Variants in RNF213 observed in about 807,000 individuals in gnomAD.
RNF213 encodes the protein E3 ubiquitin-protein ligase RNF213.
Under a neutral mutation model 514.4 loss-of-function variants are expected in RNF213, and 341 were observed. The observed-to-expected ratio is 0.66, with a 90% CI of 0.61 to 0.73. The LOEUF is 0.73. RNF213 is among the 30% of genes least tolerant of loss of function. The probability of loss-of-function intolerance (pLI) is 0.00; values close to 1 mark genes in which losing one functional copy is unlikely to be tolerated. For missense variants in RNF213, 5,767 were observed against 6,615.6 expected, an observed-to-expected ratio of 0.87 and a Z score of 4.45; for synonymous variants, 2,655 against 2,658.2, an observed-to-expected ratio of 1.00 and a Z score of 0.04.
chr17:80,354,361 G>C, intron 35 of RNF213, 80 bp from the exon 36 acceptor site: 2 of 1,604,490 alleles, frequency 1.2e-6, no homozygotes, highest in Non-Finnish European at 1.7e-6. Flanking sequence ...TTCCCTTCCT[G>C]GGGGAGGTGG....
intron 23 of RNF213, 132 bp from the exon 24 acceptor site, chr17:80,337,454 C>T (rs1599051322): frequency 8.2e-6 from 10 of 1,223,092 alleles, no homozygotes; most frequent in African/African-American, 6.0e-5. Context: ...TGGGCGACTG[C>T]GTCCTGAGCC....
rs1415856171 is a variant in RNF213 at position 80,350,412 on chromosome 17, T to A, written c.10184+16T>A. ...CCTCAGCTAAGTATGTTTTTAGTAT[T>A]TTTCTCAGAAACTATGTAAAAAACC... On this transcript the variant is annotated intron_variant, in intron 31 of 67. Coordinates refer to ENST00000582970, the MANE Select transcript of RNF213 (RefSeq NM_001256071.3). 1.3e-6 allele frequency: 2 copies of A among 1,554,504 alleles called. No individual in the cohort carries two copies. The highest frequency in any genetic ancestry group is 2.7e-5 in the African/African-American group (2 of 73,670).
chr17:80,284,271 G>A (rs1216383487), intron 3 of RNF213, among the ~76,000 whole-genome samples: 1 of 152,224 alleles, frequency 6.6e-6, no homozygotes, highest in African/African-American at 2.4e-5. Context: ...GGCTGAGGCA[G>A]GATAATCACC....
At chr17:80,327,728 C>G (rs2046316538) in intron 18 of RNF213, 88 bp from the exon 19 acceptor site, 6 of 1,180,600 alleles carry the variant, frequency 5.1e-6, no homozygotes, top group Non-Finnish European at 7.1e-6. Context: ...GGGGGCAGAA[C>G]AAGAGGTTAT....
chr17:80,368,235 T>C (rs540628297), intron 44 of RNF213, 92 bp downstream of exon 44: 1 of 1,406,720 alleles, frequency 7.1e-7, no homozygotes, highest in African/African-American at 1.4e-5. Flanking sequence ...CTATTAACCT[T>C]CATTTGGTAG....
At chr17:80,348,394 G>A (rs189080582) in intron 29 of RNF213, 108 bp downstream of exon 29, 4 of 1,487,820 alleles carry the variant, frequency 2.7e-6, no homozygotes, top group Non-Finnish European at 2.8e-6. Context: ...GGATCCTGCA[G>A]GGAGATGCTG....
intron 2 of RNF213, among the ~76,000 whole-genome samples, chr17:80,271,631 A>C (rs1042799687): frequency 6.6e-6 from 1 of 152,164 alleles, no homozygotes; most frequent in African/African-American, 2.4e-5. Context: ...GGACTCCTTG[A>C]AGGGTGTTTT....
chr17:80,305,566 CT>C (rs2045328925), intron 11 of RNF213, among the ~76,000 whole-genome samples: 1 of 151,728 alleles, frequency 6.6e-6, no homozygotes, highest in South Asian at 2.1e-4. Context: ...GCAGTGAATT[CT>C]TATTCCGTAT....
In RNF213 at chr17:80,364,308, G is replaced by A. The variant is rs116708858; in HGVS notation, c.11751-125G>A. The A allele has an allele frequency of 2.0e-3, 2,743 of 1,345,484 alleles. 48 individuals are homozygous for A. The African/African-American group carries it at 0.034, about 17-fold the overall frequency. 83.3% of individuals were successfully genotyped at this position (1,345,484 alleles called of 1,614,324 possible). A position where few individuals can be genotyped will look rare whatever the true frequency, so the allele number is the denominator to read the frequency against. On this transcript the variant is annotated intron_variant, in intron 41 of 67. Transcript: ENST00000582970. ...GAAGTATGTCACATAGGGCTTGCTT[G>A]TAATCCCAGCCGCTGGGCCTGGACC...
chr17:80,383,162 G>C, intron 58 of RNF213, 92 bp downstream of exon 58: 2 of 883,878 alleles, frequency 2.3e-6, no homozygotes, highest in Non-Finnish European at 3.8e-6. Flanking sequence ...GTTGCCCCTC[G>C]TAGCGGTGCC....
chr17:80,325,889 T>C (rs1054945494), intron 18 of RNF213, among the ~76,000 whole-genome samples: 1 of 152,028 alleles, frequency 6.6e-6, no homozygotes, highest in Non-Finnish European at 1.5e-5. Context: ...AATATGGGAG[T>C]GCACAAGTAA....
chr17:80,336,049 T>A, intron 22 of RNF213, 112 bp from the exon 23 acceptor site: 1 of 865,958 alleles, frequency 1.2e-6, no homozygotes, highest in Non-Finnish European at 1.8e-6. Context: ...GGACAGAACC[T>A]TAAAAATTCA....
At chr17:80,289,547 A>C in intron 5 of RNF213, 112 bp from the exon 6 acceptor site, 1 of 1,147,758 alleles carries the variant, frequency 8.7e-7, no homozygotes, top group Non-Finnish European at 1.3e-6. Context: ...CTGAGATCGC[A>C]GTACTGCACT....
chr17:80,345,857 G>A lies in RNF213; in HGVS notation c.7522G>A (p.Asp2508Asn). The A allele has an allele frequency of 6.2e-7, 1 of 1,614,158 alleles. No individual in the cohort carries two copies. Among genetic ancestry groups the A allele is most frequent in the South Asian group, 1.1e-5 (1 of 91,084 alleles). Residue 2508 changes from aspartate (D) to asparagine (N), a missense_variant, in exon 29 of 68, where the codon GAT (aspartate) becomes AAT (asparagine). Asp to Asn is a conservative substitution (Grantham distance 23). This residue lies in a region of RNF213 where 1,377 missense variants were observed against 1,635.2 expected (regional missense o/e 0.84). Transcript: ENST00000582970. The surrounding 1 kb of genome is among the most constrained non-coding windows in gnomAD (Gnocchi z 6.0). ...AGAAGTCCTGTGTGATCATATGGTG[G>A]ATGGCCAGCCTCTGGCTGAGGACTC... is the stretch of plus-strand genomic sequence containing the variant. ...IKEVLCDHMV[D>N]GQPLAEDSGL...
rs761802191 is a variant in RNF213, at chr17:80,336,167, A to G, written c.4316A>G (p.Asn1439Ser). 111 of 1,536,920 alleles carry G rather than the reference A, an allele frequency of 7.2e-5. No individual in the cohort carries two copies. The highest frequency in any genetic ancestry group is 3.3e-4 in the Middle Eastern group (2 of 6,012). The change falls in exon 23 of 68, where the codon AAT becomes AGT. Residue 1439 changes from asparagine (N) to serine (S), a missense_variant. By Grantham distance (46) the Asn-to-Ser change is conservative (BLOSUM62 1). Coordinates refer to ENST00000582970, the MANE Select transcript of RNF213 (RefSeq NM_001256071.3). ...CCCCTCTTCTCTTCCCCAGGCATCA[A>G]TGAGCTGAAGGTGTTTGTGGACCTG... is the stretch of plus-strand genomic sequence containing the variant. ...CWVREALGGI[N>S]ELKVFVDLAS... is the part of the protein sequence containing the mutation.
chr17:80,330,690 T>C (rs2046389597), intron 20 of RNF213, among the ~76,000 whole-genome samples: 2 of 152,268 alleles, frequency 1.3e-5, no homozygotes. Context: ...CATGTATCTG[T>C]GGCCTCCAAT....
chr17:80,366,132 G>A (rs1457203226), intron 42 of RNF213, among the ~76,000 whole-genome samples: 2 of 152,270 alleles, frequency 1.3e-5, no homozygotes, highest in Non-Finnish European at 2.9e-5. Context: ...GAGGCTTGGG[G>A]GAAAGCCCTG....
intron 59 of RNF213, chr17:80,384,800 G>T: frequency 1.8e-6 from 1 of 553,172 alleles, no homozygotes; most frequent in Non-Finnish European, 3.3e-6. Context: ...CGGCTGATGC[G>T]TCAGCTCCAT....
chr17:80,330,302 T>C (rs1428032356), intron 20 of RNF213, among the ~76,000 whole-genome samples: 1 of 152,234 alleles, frequency 6.6e-6, no homozygotes, highest in Non-Finnish European at 1.5e-5. Flanking sequence ...TTTCCTCCTA[T>C]GTCTGGACAT....
Sources: gnomAD v4.1 joint callset for allele counts (sites outside exome capture counted in the v4.1 genomes callset) on GRCh38, gnomAD v4.1.1 for gene constraint, gnomAD v4.1.1 regional missense constraint, Gnocchi (gnomAD v3.1) non-coding constraint, MANE v1.5 for transcripts, NCBI Gene and HGNC (gene_info 2026-07-23, HGNC 2026-07-21) for gene names.